The following FSTL5 variants were observed in gnomAD, a reference collection of about 807,000 sequenced individuals.
FSTL5 encodes the protein follistatin like 5.
In FSTL5, 62 loss-of-function variants were observed where a neutral mutation model predicts 89.1. That is an observed-to-expected ratio of 0.70 (90% CI 0.57 to 0.86). The LOEUF (loss-of-function observed/expected upper bound fraction) is 0.86. Ranked by LOEUF, FSTL5 falls within the 40% of genes least tolerant of loss-of-function variation. The probability of loss-of-function intolerance (pLI) is 0.00; values close to 1 mark genes in which losing one functional copy is unlikely to be tolerated. For missense variants in FSTL5, 1,057 were observed against 1,001.6 expected, an observed-to-expected ratio of 1.06 and a Z score of -0.75; for synonymous variants, 383 against 346.2, an observed-to-expected ratio of 1.11 and a Z score of -1.18.
chr4:161,859,940 C>G (rs1731846712), intron 4 of FSTL5, among the ~76,000 whole-genome samples: 1 of 152,096 alleles, frequency 6.6e-6, no homozygotes, highest in Non-Finnish European at 1.5e-5. Flanking sequence ...TGGAAAAGGA[C>G]ATGGTAGGCA....
intron 4 of FSTL5, among the ~76,000 whole-genome samples, chr4:161,879,597 C>T (rs188375563): frequency 1.3e-5 from 2 of 152,324 alleles, no homozygotes; most frequent in East Asian, 3.9e-4. Flanking sequence ...TCTTGTCCCA[C>T]ACAGACACAT....
chr4:161,948,488 T>TTC (rs1553985283), intron 3 of FSTL5, among the ~76,000 whole-genome samples: 2 of 141,926 alleles, frequency 1.4e-5, no homozygotes, highest in African/African-American at 5.2e-5. Flanking sequence ...TTTCTTTCTT[T>TTC]TTTTTTTTTT....
Position 161,385,945 on chromosome 4 carries a change from G to A in FSTL5, c.2346C>T (p.Leu782=). ...SSGKVKMIKS[L]KEPLKAEEWP... ...ATTCTTCTGCCTTGAGTGGTTCCTT[G>A]AGACTCTTTATCATCTTGACCTTCC... The change falls in exon 16 of 16, where the codon CTC becomes CTT. Residue 782 remains leucine, a synonymous_variant. Coordinates refer to ENST00000306100, the MANE Select transcript of FSTL5 (RefSeq NM_020116.5). 6.2e-7 allele frequency: 1 copy of A among 1,613,920 alleles called. No homozygotes were observed. The highest frequency in any genetic ancestry group is 1.1e-5 in the South Asian group (1 of 91,078).
intron 4 of FSTL5, among the ~76,000 whole-genome samples, chr4:161,825,390 G>C (rs1021761261): frequency 2.6e-5 from 4 of 152,028 alleles, no homozygotes; most frequent in Non-Finnish European, 4.4e-5. Flanking sequence ...TGGTATTAGG[G>C]TGATACTGGT....
intron 2 of FSTL5, among the ~76,000 whole-genome samples, chr4:162,066,877 G>A (rs1231609052): frequency 6.6e-6 from 1 of 151,928 alleles, no homozygotes; most frequent in Non-Finnish European, 1.5e-5. Context: ...ACTGTAAATA[G>A]TTCTGCATTA....
intron 3 of FSTL5, among the ~76,000 whole-genome samples, chr4:161,931,495 T>C (rs955348984): frequency 2.0e-5 from 3 of 151,850 alleles, no homozygotes; most frequent in Non-Finnish European, 4.4e-5. Flanking sequence ...TTATGAGAAG[T>C]GGAGGAAATT....
At chr4:162,042,276 G>A (rs1177538073) in intron 2 of FSTL5, among the ~76,000 whole-genome samples, 1 of 152,136 alleles carries the variant, frequency 6.6e-6, no homozygotes, top group Non-Finnish European at 1.5e-5. Flanking sequence ...GGAAACATCA[G>A]AAAGTTTGTT....
intron 13 of FSTL5, among the ~76,000 whole-genome samples, chr4:161,470,399 C>G (rs372873612): frequency 6.6e-6 from 1 of 151,998 alleles, no homozygotes; most frequent in African/African-American, 2.4e-5. Flanking sequence ...AAAAAATTGA[C>G]TATATATGTT....
chr4:161,512,324 C>T (rs940328684), intron 10 of FSTL5, among the ~76,000 whole-genome samples: 1 of 152,074 alleles, frequency 6.6e-6, no homozygotes, highest in South Asian at 2.1e-4. Flanking sequence ...AACAGGCAAT[C>T]TCTGTGCCCA....
intron 14 of FSTL5, among the ~76,000 whole-genome samples, chr4:161,458,981 T>C (rs1233828196): frequency 6.6e-6 from 1 of 152,182 alleles, no homozygotes; most frequent in Non-Finnish European, 1.5e-5. Context: ...TCACTATAGG[T>C]TATTCTTTTC....
Position 161,510,386 on chromosome 4 carries a change from T to G in FSTL5, c.1339+12A>C. 1.3e-6 allele frequency: 2 copies of G among 1,510,626 alleles called. No homozygotes were observed. Among genetic ancestry groups the G allele is most frequent in the Non-Finnish European group, 1.8e-6 (2 of 1,121,676 alleles). 93.6% of individuals were successfully genotyped at this position (1,510,626 alleles called of 1,614,324 possible). On this transcript the variant is annotated intron_variant, in intron 11 of 15. Coordinates refer to ENST00000306100, the MANE Select transcript of FSTL5 (RefSeq NM_020116.5). ...AAAATTGTCACAACATAAAAATAAT[T>G]CAACTTAGTACCTTCTTCTCTCCAT...
chr4:161,654,489 T>C (rs1399101709), intron 7 of FSTL5, among the ~76,000 whole-genome samples: 4 of 152,136 alleles, frequency 2.6e-5, no homozygotes, highest in Non-Finnish European at 5.9e-5. Context: ...TCAATGTTCT[T>C]GGCATCTTAG....
intron 2 of FSTL5, among the ~76,000 whole-genome samples, chr4:162,053,034 A>G (rs534705067): frequency 6.6e-6 from 1 of 151,946 alleles, no homozygotes; most frequent in South Asian, 2.1e-4. Flanking sequence ...AATGGATGGA[A>G]TGGTTGATAA....
chr4:161,912,692 G>C (rs922156725), intron 4 of FSTL5, among the ~76,000 whole-genome samples: 2 of 152,152 alleles, frequency 1.3e-5, no homozygotes, highest in Non-Finnish European at 2.9e-5. Context: ...GTGCATGGCT[G>C]AAAAGATACC....
intron 4 of FSTL5, among the ~76,000 whole-genome samples, chr4:161,835,432 C>G (rs373250640): frequency 1.3e-5 from 2 of 152,052 alleles, no homozygotes; most frequent in Non-Finnish European, 2.9e-5. Flanking sequence ...GTAATGGCAA[C>G]AAAAGCCAAA....
At chr4:161,463,110 T>G (rs922865264) in intron 13 of FSTL5, among the ~76,000 whole-genome samples, 1 of 152,108 alleles carries the variant, frequency 6.6e-6, no homozygotes, top group African/African-American at 2.4e-5. Flanking sequence ...AGAAAGCAGT[T>G]CATGATGAAC....
intron 4 of FSTL5, among the ~76,000 whole-genome samples, chr4:161,779,962 T>C (rs989489706): frequency 2.0e-5 from 3 of 147,932 alleles, no homozygotes; most frequent in Admixed American, 6.8e-5. Context: ...ATGTATTGAA[T>C]AGAAAGCCAA....
chr4:161,492,160 T>C (rs1729901526), intron 12 of FSTL5, among the ~76,000 whole-genome samples: 1 of 152,146 alleles, frequency 6.6e-6, no homozygotes, highest in Non-Finnish European at 1.5e-5. Context: ...TCAGTGTACA[T>C]CTGTCTACAA....
intron 4 of FSTL5, among the ~76,000 whole-genome samples, chr4:161,890,073 A>G (rs904388575): frequency 6.6e-6 from 1 of 152,218 alleles, no homozygotes; most frequent in Non-Finnish European, 1.5e-5. Flanking sequence ...AAGATTTACA[A>G]AATTAGTACA....
Sources: allele counts gnomAD v4.1 joint callset (sites outside exome capture counted in the v4.1 genomes callset), GRCh38; gene constraint gnomAD v4.1.1; transcripts MANE v1.5; gene names NCBI Gene and HGNC (gene_info 2026-07-23, HGNC 2026-07-21).